The following FBRSL1 variants were observed in gnomAD, a reference collection of about 807,000 sequenced individuals.
The protein encoded by FBRSL1 is fibrosin like 1.
Under a neutral mutation model 89.6 loss-of-function variants are expected in FBRSL1, and 51 were observed. That is an observed-to-expected ratio of 0.57 (90% CI 0.45 to 0.72). The LOEUF (loss-of-function observed/expected upper bound fraction) is 0.72, where lower values mean the gene tolerates loss of function less well. Among genes scored for constraint, FBRSL1 ranks in the 30% least tolerant of loss-of-function variants. The probability of loss-of-function intolerance (pLI) is 0.00; values close to 1 mark genes in which losing one functional copy is unlikely to be tolerated. For missense variants in FBRSL1, 1,618 were observed against 1,451.8 expected (o/e 1.11, Z -1.86); for synonymous variants, 779 against 681.1 (o/e 1.14, Z -2.24).
At chr12:132,504,646 G>C (rs1161362969) in intron 1 of FBRSL1, among the ~76,000 whole-genome samples, 1 of 152,216 alleles carries the variant, frequency 6.6e-6, no homozygotes, top group Non-Finnish European at 1.5e-5. Flanking sequence ...CAGCCTAGCA[G>C]GGGTTCCTGC....
chr12:132,549,166 G>A (rs987176717), intron 5 of FBRSL1, among the ~76,000 whole-genome samples: 1 of 152,206 alleles, frequency 6.6e-6, no homozygotes, highest in Non-Finnish European at 1.5e-5. Flanking sequence ...CCGCACCGTC[G>A]CCGCGGCCTG....
At chr12:132,528,924 C>A (rs1172687396) in intron 4 of FBRSL1, among the ~76,000 whole-genome samples, 2 of 152,178 alleles carry the variant, frequency 1.3e-5, no homozygotes, top group South Asian at 2.1e-4. Context: ...GCCTGGGAGG[C>A]TGGGCGCCGA....
At chr12:132,543,832 A>G (rs1436150164) in intron 4 of FBRSL1, among the ~76,000 whole-genome samples, 1 of 152,160 alleles carries the variant, frequency 6.6e-6, no homozygotes, top group African/African-American at 2.4e-5. Flanking sequence ...TGTGCTTCCG[A>G]GCCCCACTGC....
chr12:132,576,757 C>T (rs1256536283), intron 14 of FBRSL1, 42 bp from the exon 15 acceptor site: 1 of 1,535,264 alleles, frequency 6.5e-7, no homozygotes, highest in South Asian at 1.2e-5. Context: ...TGTTCAGGGC[C>T]AGTCCCCGGG....
chr12:132,514,353 G>A (rs117170626), intron 2 of FBRSL1, among the ~76,000 whole-genome samples: 3,522 of 152,264 alleles, frequency 0.023, 45 homozygotes, highest in Middle Eastern at 0.058. Context: ...GCAGGGCTGC[G>A]GCCTGACCCA....
At position 132,583,657 on chromosome 12, in the gene FBRSL1, C is replaced by T; in HGVS notation, c.2888C>T (p.Ala963Val). Residue 963 changes from alanine to valine, a missense_variant, in exon 19 of 19, where the codon GCC (alanine) becomes GTC (valine). Physicochemically the swap from Ala to Val is moderately conservative, Grantham distance 64. Transcript: ENST00000680143. ...GCACCGCCCCCCCTGGTGACGGCGG[C>T]CGGGCCCCCCACGCCCCCCGGGCCG... ...LGAPPPLVTA[A>V]GPPTPPGPPR... 3 of 1,054,198 alleles carry T rather than the reference C, an allele frequency of 2.8e-6. No individual in the cohort carries two copies. The highest frequency in any genetic ancestry group is 3.4e-6 in the Non-Finnish European group (3 of 873,490). 65.3% of individuals were successfully genotyped at this position (1,054,198 alleles called of 1,614,324 possible).
At chr12:132,531,221 G>A (rs930165989) in intron 4 of FBRSL1, among the ~76,000 whole-genome samples, 3 of 152,136 alleles carry the variant, frequency 2.0e-5, no homozygotes, top group African/African-American at 7.2e-5. Flanking sequence ...CCAGGAGCAG[G>A]ACAGGACCCA....
intron 2 of FBRSL1, chr12:132,510,744 G>A: frequency 8.3e-7 from 1 of 1,199,162 alleles, no homozygotes; most frequent in Non-Finnish European, 1.0e-6. Flanking sequence ...TGGCGTCACA[G>A]TGCCCCCACC....
chr12:132,517,828 CA>C (rs2034982879), intron 2 of FBRSL1, among the ~76,000 whole-genome samples: 2 of 152,148 alleles, frequency 1.3e-5, no homozygotes, highest in African/African-American at 4.8e-5. Flanking sequence ...GGGGAGGCAG[CA>C]CGGTTGTGGG....
intron 9 of FBRSL1, chr12:132,571,855 G>T (rs2040038436): frequency 3.0e-6 from 1 of 330,134 alleles, no homozygotes; most frequent in South Asian, 8.2e-5. Flanking sequence ...ATGACTCAGG[G>T]TGCCTCCCGT....
At chr12:132,519,023 A>G (rs969667970) in intron 2 of FBRSL1, among the ~76,000 whole-genome samples, 2 of 152,244 alleles carry the variant, frequency 1.3e-5, no homozygotes, top group Admixed American at 1.3e-4. Context: ...CTGAATCACA[A>G]TAGAAGAAGG....
intron 4 of FBRSL1, among the ~76,000 whole-genome samples, chr12:132,540,543 T>C (rs1015470542): frequency 1.3e-5 from 2 of 151,034 alleles, no homozygotes; most frequent in Non-Finnish European, 3.0e-5. Flanking sequence ...CACTGTCTCC[T>C]GCACCCAACC....
chr12:132,549,081 C>CG (rs2037933280), intron 5 of FBRSL1, among the ~76,000 whole-genome samples: 1 of 151,962 alleles, frequency 6.6e-6, no homozygotes, highest in Admixed American at 6.5e-5. Flanking sequence ...TGGCGGTGGC[C>CG]GGGGGAGGAG....
chr12:132,583,837 T>G lies in FBRSL1; in HGVS notation c.*59T>G. 2 of 1,014,634 alleles carry G rather than the reference T, an allele frequency of 2.0e-6. No homozygotes were observed. The highest frequency in any genetic ancestry group is 4.9e-5 in the Admixed American group (1 of 20,424). 62.9% of individuals were successfully genotyped at this position (1,014,634 alleles called of 1,614,324 possible). A position where few individuals can be genotyped will look rare whatever the true frequency, so the allele number is the denominator to read the frequency against. ...GCACCGCTGTCCGTCTCTCCATCAGTTCCTAGAACTCAAGCACAGCTCCCG... is the reference window on the plus strand; with the variant it reads ...GCACCGCTGTCCGTCTCTCCATCAGGTCCTAGAACTCAAGCACAGCTCCCG... On this transcript the variant is annotated 3_prime_UTR_variant, in exon 19 of 19. Transcript: ENST00000680143.
chr12:132,505,377 C>G (rs2136513055), intron 1 of FBRSL1, among the ~76,000 whole-genome samples: 1 of 152,254 alleles, frequency 6.6e-6, no homozygotes, highest in South Asian at 2.1e-4. Context: ...GCCTAGCTTA[C>G]AAATGAGGAC....
intron 2 of FBRSL1, chr12:132,511,824 G>GC (rs1359177786): frequency 4.1e-6 from 4 of 984,466 alleles, no homozygotes; most frequent in Non-Finnish European, 4.8e-6. Context: ...TGGCCTCCGG[G>GC]CCCCCTCGCT....
intron 5 of FBRSL1, chr12:132,565,361 C>G (rs1356108581): frequency 6.6e-6 from 1 of 152,224 alleles, no homozygotes; most frequent in African/African-American, 2.4e-5. Context: ...GACGCCGACA[C>G]GCGGGCACCT....
At chr12:132,571,415 A>G in intron 9 of FBRSL1, 184 bp downstream of exon 9, 3 of 1,550,940 alleles carry the variant, frequency 1.9e-6, no homozygotes, top group East Asian at 2.4e-5. Context: ...GAGTTCCATC[A>G]GCACCAGCAC....
intron 1 of FBRSL1, among the ~76,000 whole-genome samples, chr12:132,498,172 A>G (rs559443520): frequency 2.0e-5 from 3 of 152,242 alleles, no homozygotes; most frequent in East Asian, 1.9e-4. Flanking sequence ...AGATCTGTCA[A>G]GCCCCACAGC....
Sources: allele counts gnomAD v4.1 joint callset (sites outside exome capture counted in the v4.1 genomes callset), GRCh38; gene constraint gnomAD v4.1.1; transcripts MANE v1.5; gene names NCBI Gene and HGNC (gene_info 2026-07-23, HGNC 2026-07-21).